The following SMYD3 variants were observed in gnomAD, a reference collection of about 807,000 sequenced individuals.
SMYD3 encodes SET and MYND domain containing 3, also known as histone-lysine N-methyltransferase SMYD3.
A neutral mutation model predicts 57.7 loss-of-function variants in SMYD3; 36 were observed. The observed-to-expected ratio is 0.62, with a 90% CI of 0.48 to 0.82. The LOEUF (loss-of-function observed/expected upper bound fraction) is 0.82, where lower values mean the gene tolerates loss of function less well. Among genes scored for constraint, SMYD3 ranks in the 40% least tolerant of loss-of-function variants. The probability of loss-of-function intolerance (pLI) is 0.00; values close to 1 mark genes in which losing one functional copy is unlikely to be tolerated. For missense variants in SMYD3, 515 were observed against 538.8 expected (o/e 0.96, Z 0.44); for synonymous variants, 211 against 195.0 (o/e 1.08, Z -0.68).
At chr1:246,450,220 G>A (rs1490593132) in intron 1 of SMYD3, among the ~76,000 whole-genome samples, 1 of 152,122 alleles carries the variant, frequency 6.6e-6, no homozygotes, top group Non-Finnish European at 1.5e-5. Flanking sequence ...GCCTCCGGGA[G>A]GCGGAGGTTG....
chr1:246,012,298 G>A (rs2059297115), intron 5 of SMYD3, among the ~76,000 whole-genome samples: 1 of 152,176 alleles, frequency 6.6e-6, no homozygotes, highest in Non-Finnish European at 1.5e-5. Flanking sequence ...TTCACACTGT[G>A]AAAACCCACA....
At chr1:246,029,140 G>A (rs2059624558) in intron 5 of SMYD3, among the ~76,000 whole-genome samples, 1 of 152,114 alleles carries the variant, frequency 6.6e-6, no homozygotes, top group Non-Finnish European at 1.5e-5. Context: ...AACACTTCAG[G>A]ACATTGGTCT....
In SMYD3 at chr1:246,338,078, T is replaced by G. The variant is rs77618015; in HGVS notation, c.229-2604A>C. 7.9e-5 allele frequency among the ~76,000 whole-genome samples: 12 copies of G among 152,332 alleles called. No homozygotes were observed. The East Asian group carries it at 2.3e-3, about 29-fold the overall frequency. On this transcript the variant is annotated intron_variant, in intron 2 of 11. Transcript: ENST00000490107. The stretch of plus-strand genomic sequence containing the variant: ...TCTCATTTGCTTCAGCAAAAATATG[T>G]TCATTATTTCCATGAAAAGCCAAAT...
intron 8 of SMYD3, among the ~76,000 whole-genome samples, chr1:245,896,724 T>A (rs1387315994): frequency 6.6e-6 from 1 of 152,124 alleles, no homozygotes; most frequent in Non-Finnish European, 1.5e-5. Flanking sequence ...AGAGCCATGC[T>A]CTCTTGTCTA....
chr1:246,488,998 T>C (rs1211143502), intron 1 of SMYD3, among the ~76,000 whole-genome samples: 1 of 152,112 alleles, frequency 6.6e-6, no homozygotes, highest in African/African-American at 2.4e-5. Flanking sequence ...TCTCTCTCTC[T>C]CCACCTCCCA....
chr1:245,959,340 C>T (rs1020409051), intron 5 of SMYD3, among the ~76,000 whole-genome samples: 1 of 152,116 alleles, frequency 6.6e-6, no homozygotes, highest in African/African-American at 2.4e-5. Flanking sequence ...CTACGGCTCC[C>T]GACAGCTCCA....
At chr1:245,950,306 C>T (rs2057583183) in intron 5 of SMYD3, among the ~76,000 whole-genome samples, 1 of 152,190 alleles carries the variant, frequency 6.6e-6, no homozygotes, top group Non-Finnish European at 1.5e-5. Context: ...TTCCCACGTG[C>T]CCACAATGTA....
chr1:246,299,823 G>A (rs773857215), intron 5 of SMYD3, among the ~76,000 whole-genome samples: 1 of 151,720 alleles, frequency 6.6e-6, no homozygotes, highest in Non-Finnish European at 1.5e-5. Context: ...AACAGACACT[G>A]GGGCGCACTT....
chr1:246,452,110 A>C (rs1389939129), intron 1 of SMYD3, among the ~76,000 whole-genome samples: 1 of 152,142 alleles, frequency 6.6e-6, no homozygotes, highest in Non-Finnish European at 1.5e-5. Context: ...CTAAACCTAA[A>C]CTTTTCTAAA....
At chr1:245,785,703 G>A (rs1457117625) in intron 10 of SMYD3, among the ~76,000 whole-genome samples, 1 of 151,890 alleles carries the variant, frequency 6.6e-6, no homozygotes, top group Non-Finnish European at 1.5e-5. Context: ...GAGAGCAAGA[G>A]AGAGCGAGAG....
rs571709796 is a variant in SMYD3 at position 245,829,190 on chromosome 1, GAACACCTTAT to G, written c.1076+29296_1076+29305del. Among the ~76,000 whole-genome samples, 83 of 148,620 alleles carry G rather than the reference GAACACCTTAT, an allele frequency of 5.6e-4. 1 individual carries two copies. The East Asian group carries it at 0.014, about 24-fold the overall frequency. ...TGAAAAGTTCACTTATATGGTTTCA[GAACACCTTAT>G]AACTAACCTATAAGAAGCTAACTTA... On this transcript the variant is annotated intron_variant, in intron 10 of 11. Transcript: ENST00000490107.
At chr1:246,005,279 C>T (rs989149090) in intron 5 of SMYD3, among the ~76,000 whole-genome samples, 3 of 152,244 alleles carry the variant, frequency 2.0e-5, no homozygotes, top group Admixed American at 6.5e-5. Flanking sequence ...CAAAAATATT[C>T]CCATTGCCCT....
intron 5 of SMYD3, among the ~76,000 whole-genome samples, chr1:245,968,297 G>T (rs2058208285): frequency 6.7e-6 from 1 of 149,156 alleles, no homozygotes; most frequent in Admixed American, 6.8e-5. Context: ...GAGACACTCA[G>T]TTCTCCTCAA....
intron 5 of SMYD3, among the ~76,000 whole-genome samples, chr1:245,941,688 T>C (rs2057252228): frequency 6.6e-6 from 1 of 151,864 alleles, no homozygotes; most frequent in African/African-American, 2.4e-5. Flanking sequence ...GCCAAGCTAA[T>C]TTTTTTGTAT....
chr1:246,401,273 T>TA (rs2066763543), intron 1 of SMYD3, among the ~76,000 whole-genome samples: 1 of 151,950 alleles, frequency 6.6e-6, no homozygotes, highest in Non-Finnish European at 1.5e-5. Flanking sequence ...AAGGCAGGAG[T>TA]ATCTCTTGAG....
intron 5 of SMYD3, among the ~76,000 whole-genome samples, chr1:246,244,267 C>G (rs1202044761): frequency 6.6e-6 from 1 of 151,970 alleles, no homozygotes; most frequent in East Asian, 1.9e-4. Context: ...TACTTTTCAC[C>G]TTTTTGAGTG....
chr1:245,749,596 T>A lies in SMYD3; in HGVS notation c.1254A>T (p.Leu418Phe). 1 of 1,614,170 alleles carries A rather than the reference T, an allele frequency of 6.2e-7. No individual in the cohort carries two copies. The highest frequency in any genetic ancestry group is 2.2e-5 in the East Asian group (1 of 44,880). ...CTCTGATGTTGGCGTCGCATTCTTC[T>A]AAAAGTAGAATCAAATCTTCAATCA... ...HSLIEDLILLLEECDANIRAS is the reference protein window; with the variant it reads ...HSLIEDLILLFEECDANIRAS Residue 418 changes from leucine (L) to phenylalanine (F), a missense_variant, in exon 12 of 12, where the codon TTA becomes TTT. Leu to Phe is a conservative substitution (Grantham distance 22, BLOSUM62 0). Coordinates refer to ENST00000490107, the MANE Select transcript of SMYD3 (RefSeq NM_001167740.2).
chr1:246,207,332 T>TAA (rs1335734853), intron 5 of SMYD3, among the ~76,000 whole-genome samples: 1 of 152,122 alleles, frequency 6.6e-6, no homozygotes, highest in African/African-American at 2.4e-5. Context: ...CTCTTTTACT[T>TAA]ACACTGCCTC....
chr1:245,821,853 T>A (rs1236312134), intron 10 of SMYD3, among the ~76,000 whole-genome samples: 2 of 150,676 alleles, frequency 1.3e-5, no homozygotes, highest in African/African-American at 4.9e-5. Flanking sequence ...TGAGATACCA[T>A]CTCACACCAG....
Sources: allele counts gnomAD v4.1 joint callset (sites outside exome capture counted in the v4.1 genomes callset), GRCh38; gene constraint gnomAD v4.1.1; transcripts MANE v1.5; gene names NCBI Gene and HGNC (gene_info 2026-07-23, HGNC 2026-07-21).